The following CASP8 variants were observed in gnomAD, a reference collection of about 807,000 sequenced individuals.
The protein encoded by CASP8 is caspase 8.
CASP8 carries 24 observed loss-of-function variants against 46.3 expected under a neutral mutation model. That is an observed-to-expected ratio of 0.52 (90% CI 0.38 to 0.73). The LOEUF (loss-of-function observed/expected upper bound fraction) is 0.73. CASP8 is among the 30% of genes least tolerant of loss of function. The pLI is 0.00. For missense variants in CASP8, 460 were observed against 559.0 expected, an observed-to-expected ratio of 0.82 and a Z score of 1.79; for synonymous variants, 188 against 200.4, an observed-to-expected ratio of 0.94 and a Z score of 0.52.
chr2:201,263,117 A>C (rs1241201848), intron 1 of CASP8, among the ~76,000 whole-genome samples: 2 of 152,194 alleles, frequency 1.3e-5, no homozygotes, highest in African/African-American at 4.8e-5. Flanking sequence ...TATTATATCC[A>C]AATTCATGTC....
chr2:201,243,501 T>G (rs1466558900), intron 2 of CASP8, among the ~76,000 whole-genome samples: 1 of 152,196 alleles, frequency 6.6e-6, no homozygotes, highest in Non-Finnish European at 1.5e-5. Context: ...AATCCTATAA[T>G]CATCTCAAAA....
rs1051918933 is a variant in CASP8 at position 201,272,471 on chromosome 2, G to A, written c.412-167G>A. Among the ~76,000 whole-genome samples, 9 of 152,124 alleles carry A rather than the reference G, an allele frequency of 5.9e-5. 1 individual carries two copies. Among genetic ancestry groups the A allele is most frequent in the East Asian group, 5.8e-4 (3 of 5,172 alleles). On this transcript the variant is annotated intron_variant, in intron 3 of 8. Coordinates refer to ENST00000673742, the MANE Select transcript of CASP8 (RefSeq NM_001372051.1). This position sits in a 1 kb window ranked among gnomAD's most constrained non-coding sequence, Gnocchi z 4.4. ...TTTCTGGGCCAGAAAACATGGAATCGCTTCCCTAGTAGCCTGCTGGCTGTG... is the reference window on the plus strand; with the variant it reads ...TTTCTGGGCCAGAAAACATGGAATCACTTCCCTAGTAGCCTGCTGGCTGTG...
Position 201,272,023 on chromosome 2 carries a change from AGTGT to A in CASP8, c.411+407_411+410del, listed in dbSNP as rs1298183320. On this transcript the variant is annotated intron_variant, in intron 3 of 8. Transcript: ENST00000673742. The surrounding 1 kb of genome is among the most constrained non-coding windows in gnomAD (Gnocchi z 4.4). ...TCTGTGTGTGCCTTTCTCTGTGTAT[AGTGT>A]GTGTCTGTATTTGTGTGTGATATGT... 6.0e-5 allele frequency among the ~76,000 whole-genome samples: 9 copies of A among 149,958 alleles called. 2 individuals carry two copies. In the South Asian group the frequency reaches 1.3e-3, roughly 21 times the overall value.
chr2:201,281,933 C>CGTATCTATCAATG, intron 7 of CASP8: 1 of 259,250 alleles, frequency 3.9e-6, no homozygotes, highest in Non-Finnish European at 5.5e-6. Context: ...GGTTCAAATT[C>CGTATCTATCAATG]TTTTTTTTTT....
At position 201,250,342 on chromosome 2, in the gene CASP8, G is replaced by A. The variant is rs561772876; in HGVS notation, c.-26-16119G>A. ...TAGTCTGTTCTTGCATTGCTCTAAAGAGATACCTGAGGTTGGGCAATCTAT... is the reference window on the plus strand; with the variant it reads ...TAGTCTGTTCTTGCATTGCTCTAAAAAGATACCTGAGGTTGGGCAATCTAT... On this transcript the variant is annotated intron_variant, in intron 2 of 6. Transcript: ENST00000264274. 1.8e-4 allele frequency among the ~76,000 whole-genome samples: 28 copies of A among 152,318 alleles called. No individual in the cohort carries two copies. In the South Asian group the frequency reaches 5.6e-3, roughly 30 times the overall value.
Position 201,271,628 on chromosome 2 carries a change from C to T in CASP8, c.411+7C>T, listed in dbSNP as rs1158042987. 3.3e-6 allele frequency: 5 copies of T among 1,499,340 alleles called. No homozygotes were observed. Among genetic ancestry groups the T allele is most frequent in the Middle Eastern group, 1.7e-4 (1 of 5,884 alleles). The allele number at this position is 1,499,340 out of a possible 1,614,324, so 92.9% of individuals were successfully genotyped here. ...CAAACTGGATGATGACATGGTAAGA[C>T]CTGGTATCTTACTGAGATTTAGTCC... On this transcript the variant is annotated splice_region_variant and intron_variant, in intron 3 of 8. Coordinates refer to ENST00000673742, the MANE Select transcript of CASP8 (RefSeq NM_001372051.1).
chr2:201,276,138 C>T (rs1948614461), intron 6 of CASP8, among the ~76,000 whole-genome samples: 1 of 152,138 alleles, frequency 6.6e-6, no homozygotes, highest in Non-Finnish European at 1.5e-5. Context: ...CTGAGTTTCT[C>T]GGTACTGAAA....
intron 2 of CASP8, chr2:201,242,876 T>TTTTCTATTCTAATATTCTA (rs993264582): frequency 6.6e-6 from 1 of 152,288 alleles, no homozygotes; most frequent in Non-Finnish European, 1.5e-5. Context: ...GGTAGTCACA[T>TTTTCTATTCTAATATTCTA]AAAATGGAAT....
exon 1 of CASP8, chr2:201,233,532 C>G (rs1945912623): frequency 6.6e-6 from 1 of 152,248 alleles, no homozygotes; most frequent in African/African-American, 2.4e-5. Context: ...CTGCCTGTAC[C>G]CCGCCAACAG....
At chr2:201,257,834 T>G (rs1376932521), upstream of CASP8, 6 of 297,216 alleles carry the variant, frequency 2.0e-5, no homozygotes, top group East Asian at 1.9e-4. Context: ...CCAGACCCTT[T>G]GCAAGAAAGA....
intron 2 of CASP8, among the ~76,000 whole-genome samples, chr2:201,238,752 C>T (rs1015567043): frequency 2.0e-5 from 3 of 151,388 alleles, no homozygotes; most frequent in Non-Finnish European, 4.4e-5. Flanking sequence ...CTTTTCCTTA[C>T]TTTTTATTTT....
At chr2:201,238,490 G>A (rs536455444) in intron 2 of CASP8, among the ~76,000 whole-genome samples, 2 of 151,266 alleles carry the variant, frequency 1.3e-5, no homozygotes, top group Non-Finnish European at 2.9e-5. Flanking sequence ...CACTCAGGCT[G>A]GAGTGCAGTG....
At chr2:201,280,168 A>G (rs183855017) in intron 7 of CASP8, among the ~76,000 whole-genome samples, 7 of 152,336 alleles carry the variant, frequency 4.6e-5, no homozygotes, top group Admixed American at 4.6e-4. Flanking sequence ...CTCCTTGAAA[A>G]TTAAAAATTT....
At chr2:201,249,928 C>T (rs1946705671) in intron 2 of CASP8, among the ~76,000 whole-genome samples, 1 of 152,056 alleles carries the variant, frequency 6.6e-6, no homozygotes, top group Non-Finnish European at 1.5e-5. Context: ...GGCTGAGAAC[C>T]CTATAACAGA....
chr2:201,271,998 T>A (rs1948287783), intron 3 of CASP8, among the ~76,000 whole-genome samples: 2 of 152,082 alleles, frequency 1.3e-5, no homozygotes, highest in Admixed American at 6.6e-5. Flanking sequence ...TATTTCCGTG[T>A]CTGTGTGTGC....
chr2:201,277,189 T>C (rs1948692245), intron 7 of CASP8: 2 of 386,052 alleles, frequency 5.2e-6, no homozygotes, highest in East Asian at 9.7e-5. Context: ...TGTATAAATA[T>C]AAAATATCAA....
chr2:201,286,556 T>C lies in CASP8; in HGVS notation c.1402T>C (p.Phe468Leu). Residue 468 changes from phenylalanine (F) to leucine (L), a missense_variant, in exon 9 of 9, where the codon TTC (phenylalanine) becomes CTC (leucine). Phe to Leu is a conservative substitution (Grantham distance 22). Transcript: ENST00000673742. ...NMGKQMPQPTFTLRKKLVFPS... is the reference protein window; with the variant it reads ...NMGKQMPQPTLTLRKKLVFPS... ...GGGGAAACAGATGCCTCAGCCTACT[T>C]TCACACTAAGAAAAAAACTTGTCTT... is the stretch of plus-strand genomic sequence containing the variant. 6.2e-7 allele frequency: 1 copy of C among 1,614,128 alleles called. No individual in the cohort carries two copies. Among genetic ancestry groups the C allele is most frequent in the Non-Finnish European group, 8.5e-7 (1 of 1,179,976 alleles).
At chr2:201,263,408 A>G (rs752210963) in intron 1 of CASP8, among the ~76,000 whole-genome samples, 1 of 152,232 alleles carries the variant, frequency 6.6e-6, no homozygotes, top group Non-Finnish European at 1.5e-5. Context: ...AAGACAGGAA[A>G]GTACTTACAA....
At chr2:201,247,935 C>T (rs777792268) in intron 2 of CASP8, among the ~76,000 whole-genome samples, 4 of 152,082 alleles carry the variant, frequency 2.6e-5, no homozygotes, top group African/African-American at 4.8e-5. Flanking sequence ...TGAGCCACTG[C>T]GCCCGGCCAA....
Sources: gnomAD v4.1 joint callset for allele counts (sites outside exome capture counted in the v4.1 genomes callset) on GRCh38, gnomAD v4.1.1 for gene constraint, Gnocchi (gnomAD v3.1) non-coding constraint, MANE v1.5 for transcripts, NCBI Gene and HGNC (gene_info 2026-07-23, HGNC 2026-07-21) for gene names.